Variants in HEATR5A observed in about 807,000 individuals in gnomAD.
HEATR5A encodes the protein HEAT repeat-containing protein 5A.
HEATR5A carries 178 observed loss-of-function variants against 218.8 expected under a neutral mutation model. That is an observed-to-expected ratio of 0.81 (90% confidence interval 0.72 to 0.92). The LOEUF (loss-of-function observed/expected upper bound fraction) is 0.92. Among genes scored for constraint, HEATR5A ranks in the 40% least tolerant of loss-of-function variants. The pLI is 0.00. For synonymous variants in HEATR5A, 864 were observed against 871.6 expected, an observed-to-expected ratio of 0.99 and a Z score of 0.15; for missense variants, 2,420 against 2,418.9, an observed-to-expected ratio of 1.00 and a Z score of -0.01.
chr14:31,410,517 T>C (rs191570747), intron 1 of HEATR5A, among the ~76,000 whole-genome samples: 149 of 152,354 alleles, frequency 9.8e-4, no homozygotes, highest in Non-Finnish European at 1.9e-3. Flanking sequence ...TAGGCCACAC[T>C]TGAGATGTTG....
chr14:31,348,524 A>C (rs908719417), intron 18 of HEATR5A, among the ~76,000 whole-genome samples: 5 of 152,186 alleles, frequency 3.3e-5, no homozygotes. Context: ...TCGAGGCTGC[A>C]GTGAGCCACA....
At chr14:31,328,567 A>G (rs1311579838) in intron 22 of HEATR5A, among the ~76,000 whole-genome samples, 1 of 152,088 alleles carries the variant, frequency 6.6e-6, no homozygotes, top group African/African-American at 2.4e-5. Context: ...CATACCCAAG[A>G]CTGGGTAATT....
At chr14:31,389,925 T>C (rs2030381285) in intron 6 of HEATR5A, among the ~76,000 whole-genome samples, 2 of 152,084 alleles carry the variant, frequency 1.3e-5, no homozygotes. Flanking sequence ...TAAACAGTGA[T>C]TAAAAACCAT....
intron 2 of HEATR5A, among the ~76,000 whole-genome samples, chr14:31,400,878 C>T (rs1180962735): frequency 1.3e-5 from 2 of 150,112 alleles, no homozygotes; most frequent in Admixed American, 6.6e-5. Context: ...CTCGCTCTGT[C>T]GCCCAGGCTG....
chr14:31,329,712 CTTCTT>C (rs894861726), intron 22 of HEATR5A, among the ~76,000 whole-genome samples: 90 of 152,150 alleles, frequency 5.9e-4, no homozygotes, highest in Middle Eastern at 3.4e-3. Context: ...TAGAGACCCT[CTTCTT>C]TTCTTATTTT....
intron 19 of HEATR5A, 21 bp downstream of exon 19, chr14:31,347,727 A>G: frequency 6.6e-7 from 1 of 1,504,680 alleles, no homozygotes; most frequent in Non-Finnish European, 8.9e-7. Context: ...TTTCAAGGGA[A>G]GTATCACATG....
At chr14:31,317,294 ATTTTTTTTTT>A (rs35394095) in intron 26 of HEATR5A, among the ~76,000 whole-genome samples, 1 of 64,182 alleles carries the variant, frequency 1.6e-5, no homozygotes, top group African/African-American at 6.4e-5. Context: ...CCCGGGCTAG[ATTTTTTTTTT>A]TTTTTTTTTT....
At chr14:31,405,944 C>G (rs577195286) in intron 1 of HEATR5A, among the ~76,000 whole-genome samples, 1 of 152,306 alleles carries the variant, frequency 6.6e-6, no homozygotes, top group South Asian at 2.1e-4. Flanking sequence ...GCCCTCAATA[C>G]ATTCCTTATG....
At chr14:31,310,318 C>T (rs972563901) in intron 28 of HEATR5A, among the ~76,000 whole-genome samples, 10 of 152,166 alleles carry the variant, frequency 6.6e-5, no homozygotes, top group Admixed American at 3.9e-4. Flanking sequence ...TACCAGCATG[C>T]ACCACTGTGC....
chr14:31,414,330 G>A (rs1008013851), intron 1 of HEATR5A, among the ~76,000 whole-genome samples: 1 of 152,112 alleles, frequency 6.6e-6, no homozygotes, highest in Admixed American at 6.5e-5. Context: ...TTCAGAACTC[G>A]TGGATTTTAC....
In HEATR5A at chr14:31,291,963, A is replaced by G. The variant is rs2139112974; in HGVS notation, c.*1342T>C. The G allele has an allele frequency of 6.6e-6, 1 of 152,344 alleles. No individual in the cohort carries two copies. The highest frequency in any genetic ancestry group is 3.4e-3 in the Middle Eastern group (1 of 294). The allele number at this position is 152,344 out of a possible 1,614,324, so 9.4% of individuals were successfully genotyped here. A position where few individuals can be genotyped will look rare whatever the true frequency, so the allele number is the denominator to read the frequency against. On this transcript the variant is annotated 3_prime_UTR_variant, in exon 36 of 36. Transcript: ENST00000543095. ...GTCTTCTCAATTCTGACATGCTTCT[A>G]TCACTTCGGTTTGTAATTTTTAAGA...
Position 31,306,813 on chromosome 14 carries a change from G to T in HEATR5A, c.4885C>A (p.Gln1629Lys). 1 of 1,613,524 alleles carries T rather than the reference G, an allele frequency of 6.2e-7. No homozygotes were observed. The highest frequency in any genetic ancestry group is 1.1e-5 in the South Asian group (1 of 91,034). ...VILTRESPSI[Q>K]LASLEVVRQI... ...CTTACCACTTCAAGTGAAGCCAACT[G>T]AATGGAAGGTGATTCTCTGGTTAAA... Residue 1629 changes from glutamine (Q) to lysine (K), a missense_variant, in exon 31 of 36, where the codon CAG becomes AAG. Gln to Lys is a moderately conservative substitution (Grantham distance 53). Coordinates refer to ENST00000543095, the MANE Select transcript of HEATR5A (RefSeq NM_015473.4).
intron 27 of HEATR5A, among the ~76,000 whole-genome samples, chr14:31,314,724 C>T (rs1478222207): frequency 6.6e-6 from 1 of 152,060 alleles, no homozygotes; most frequent in Admixed American, 6.6e-5. Context: ...TGAATCTAGG[C>T]ACAACTACTT....
chr14:31,339,860 A>T (rs1900787717), intron 21 of HEATR5A, among the ~76,000 whole-genome samples: 1 of 152,218 alleles, frequency 6.6e-6, no homozygotes, highest in Non-Finnish European at 1.5e-5. Flanking sequence ...AACAATGACT[A>T]AAAAAGCACT....
chr14:31,416,539 T>C (rs2031456387), intron 1 of HEATR5A, among the ~76,000 whole-genome samples: 1 of 152,146 alleles, frequency 6.6e-6, no homozygotes, highest in Admixed American at 6.5e-5. Flanking sequence ...AGGCAAATAA[T>C]TAATATAGTG....
At chr14:31,320,665 C>A (rs1263014615) in intron 25 of HEATR5A, 5 of 560,792 alleles carry the variant, frequency 8.9e-6, no homozygotes, top group African/African-American at 5.7e-5. Context: ...AGCCCTTGGT[C>A]TCAGCACTCA....
Position 31,359,055 on chromosome 14 carries a change from T to C in HEATR5A, c.2074A>G (p.Asn692Asp), listed in dbSNP as rs1595134742. ...AGCTCTCTGAGGATAGCACAGAGGTTTCCTGTTGAGTCACAGAAAAAGAGC... is the reference window on the plus strand; with the variant it reads ...AGCTCTCTGAGGATAGCACAGAGGTCTCCTGTTGAGTCACAGAAAAAGAGC... The part of the protein sequence containing the change: ...ILLPPETYEG[N>D]LCAILRELAA... Residue 692 changes from asparagine to aspartate, a missense_variant and splice_region_variant, in exon 15 of 36, where the codon AAC (asparagine) becomes GAC (aspartate). Physicochemically the swap from Asn to Asp is conservative, Grantham distance 23. Coordinates refer to ENST00000543095, the MANE Select transcript of HEATR5A (RefSeq NM_015473.4). The C allele has an allele frequency of 9.4e-6, 15 of 1,594,064 alleles. No homozygotes were observed. In the African/African-American group the frequency reaches 1.1e-4, roughly 12 times the overall value.
chr14:31,320,412 C>A, intron 25 of HEATR5A: 1 of 1,173,678 alleles, frequency 8.5e-7, no homozygotes. Context: ...CCAACTGTGG[C>A]TGACCCAGCA....
chr14:31,304,952 G>A lies in HEATR5A; in HGVS notation c.5192C>T (p.Ala1731Val). ...LLEDGSRLVS[A>V]ALVILSELPA... is the part of the protein sequence containing the mutation. Reference sequence around the variant, plus strand: ...AAGTTCGGAAAGGATAACCAATGCAGCTGAAACCAATCTACTTCCATCTTC... The same window carrying A: ...AAGTTCGGAAAGGATAACCAATGCAACTGAAACCAATCTACTTCCATCTTC... The change falls in exon 32 of 36, where the codon GCT (alanine) becomes GTT (valine). Residue 1731 changes from alanine to valine, a missense_variant. Coordinates refer to ENST00000543095, the MANE Select transcript of HEATR5A (RefSeq NM_015473.4). 5 of 1,613,986 alleles carry A rather than the reference G, an allele frequency of 3.1e-6. No individual in the cohort carries two copies. The highest frequency in any genetic ancestry group is 1.7e-6 in the Non-Finnish European group (2 of 1,179,884).
Sources: gnomAD v4.1 joint callset for allele counts (sites outside exome capture counted in the v4.1 genomes callset) on GRCh38, gnomAD v4.1.1 for gene constraint, MANE v1.5 for transcripts, NCBI Gene and HGNC (gene_info 2026-07-23, HGNC 2026-07-21) for gene names.